The following CFAP46 variants were observed in gnomAD, a reference collection of about 807,000 sequenced individuals.
CFAP46 encodes cilia and flagella associated protein 46.
Under a neutral mutation model 325.7 loss-of-function variants are expected in CFAP46, and 245 were observed. The ratio of observed to expected loss-of-function variants is 0.75; its 90% CI spans 0.68 to 0.84. The LOEUF is 0.84. CFAP46 is among the 40% of genes least tolerant of loss of function. The pLI is 0.00. For missense variants in CFAP46, 3,346 were observed against 3,543.0 expected, an observed-to-expected ratio of 0.94 and a Z score of 1.41; for synonymous variants, 1,523 against 1,495.9, an observed-to-expected ratio of 1.02 and a Z score of -0.42.
chr10:132,915,218 C>T (rs980328951), intron 17 of CFAP46, among the ~76,000 whole-genome samples: 27 of 152,404 alleles, frequency 1.8e-4, no homozygotes, highest in African/African-American at 5.5e-4. Flanking sequence ...TCAGACCCTC[C>T]TCTGTCTGTG....
rs1591102291 is a variant in CFAP46 at position 132,937,273 on chromosome 10, A to G, written c.661-218T>C. The G allele has an allele frequency of 7.5e-6, 4 of 535,582 alleles. No homozygotes were observed. The East Asian group carries it at 1.2e-4, about 16-fold the overall frequency. The allele number at this position is 535,582 out of a possible 1,614,324, so 33.2% of individuals were successfully genotyped here. A position where few individuals can be genotyped will look rare whatever the true frequency, so the allele number is the denominator to read the frequency against. ...TTGTATCTTTGTGAATTTTCTATTA[A>G]CTTTAAAAAAATTCAAAGCTATTAC... is the stretch of plus-strand genomic sequence containing the variant. On this transcript the variant is annotated intron_variant, in intron 6 of 57. Transcript: ENST00000368586.
chr10:132,822,495 TGA>T, intron 50 of CFAP46, among the ~76,000 whole-genome samples: 1 of 134,414 alleles, frequency 7.4e-6, no homozygotes, highest in African/African-American at 2.9e-5. Context: ...CTGTGTGTGC[TGA>T]TGTGTGCTGT....
At chr10:132,883,596 C>A (rs1423655073) in intron 27 of CFAP46, among the ~76,000 whole-genome samples, 1 of 152,238 alleles carries the variant, frequency 6.6e-6, no homozygotes, top group Non-Finnish European at 1.5e-5. Flanking sequence ...GACCGTGTGC[C>A]CAGCAACTCC....
chr10:132,922,873 C>T (rs370654509), intron 11 of CFAP46, among the ~76,000 whole-genome samples, 165 bp from the exon 12 acceptor site: 9 of 152,200 alleles, frequency 5.9e-5, no homozygotes, highest in Non-Finnish European at 1.2e-4. Flanking sequence ...CCCTACCTGG[C>T]CCTGGGGACT....
At chr10:132,812,752 CG>C in intron 55 of CFAP46, 32 bp downstream of exon 55, 1 of 1,537,012 alleles carries the variant, frequency 6.5e-7, no homozygotes. Context: ...CCTGTGCCCG[CG>C]GGGGAGGGGG....
intron 8 of CFAP46, among the ~76,000 whole-genome samples, chr10:132,932,323 G>A (rs1465433944): frequency 2.3e-5 from 3 of 131,760 alleles, no homozygotes; most frequent in South Asian, 2.6e-4. Context: ...TCTCCACACA[G>A]AGCCTGGGCC....
chr10:132,920,068 T>A lies in CFAP46; in HGVS notation c.1721A>T (p.Asp574Val), dbSNP rs781431503. The A allele has an allele frequency of 8.4e-6, 13 of 1,545,226 alleles. No individual in the cohort carries two copies. Among genetic ancestry groups the A allele is most frequent in the Non-Finnish European group, 1.1e-5 (13 of 1,144,812 alleles). Residue 574 changes from aspartate to valine, a missense_variant, in exon 14 of 58, where the codon GAC becomes GTC. Physicochemically the swap from Asp to Val is radical, Grantham distance 152. Transcript: ENST00000368586. ...CCTTTTCCTCACTCACCTCTCCTTGTCGTTTTCGTTGCCCAGGCGCCGCAG... is the reference window on the plus strand; with the variant it reads ...CCTTTTCCTCACTCACCTCTCCTTGACGTTTTCGTTGCCCAGGCGCCGCAG... Reference protein sequence around the residue: ...GHLRRLGNENDKERIQIWAEL... With the variant: ...GHLRRLGNENVKERIQIWAEL...
At chr10:132,855,443 G>C (rs1020428815) in intron 39 of CFAP46, among the ~76,000 whole-genome samples, 1 of 152,128 alleles carries the variant, frequency 6.6e-6, no homozygotes, top group African/African-American at 2.4e-5. Context: ...CTTGTAGGTA[G>C]CCCATAGTTG....
At chr10:132,881,306 C>G (rs1209474354) in intron 27 of CFAP46, among the ~76,000 whole-genome samples, 1 of 152,176 alleles carries the variant, frequency 6.6e-6, no homozygotes, top group African/African-American at 2.4e-5. Flanking sequence ...ATGCCACCCT[C>G]CTGGGGACTC....
rs1217018993 is a variant in CFAP46, at chr10:132,832,493, C to T, written c.7117+865G>A. Reference sequence around the variant, plus strand: ...CCCCTTCGAGGCCCCCCGTCCTGCGCGGACTGCTCGTCAATGTTTGAAAAC... The same window carrying T: ...CCCCTTCGAGGCCCCCCGTCCTGCGTGGACTGCTCGTCAATGTTTGAAAAC... On this transcript the variant is annotated intron_variant, in intron 50 of 57. Transcript: ENST00000368586. This position sits in a 1 kb window ranked among gnomAD's most constrained non-coding sequence, Gnocchi z 4.1. The T allele has an allele frequency of 6.7e-6, 2 of 299,800 alleles. No individual in the cohort carries two copies. Among genetic ancestry groups the T allele is most frequent in the East Asian group, 9.7e-5 (1 of 10,284 alleles). 18.6% of individuals were successfully genotyped at this position (299,800 alleles called of 1,614,324 possible). A position where few individuals can be genotyped will look rare whatever the true frequency, so the allele number is the denominator to read the frequency against.
intron 22 of CFAP46, 117 bp downstream of exon 22, chr10:132,908,351 C>A: frequency 1.5e-6 from 2 of 1,294,236 alleles, no homozygotes; most frequent in Non-Finnish European, 2.1e-6. Flanking sequence ...CCCGCGCTCC[C>A]TGCCCGTTTT....
intron 26 of CFAP46, 98 bp downstream of exon 26, chr10:132,885,723 T>TCATAGGCGGTGGGG: frequency 1.1e-6 from 1 of 908,440 alleles, no homozygotes. Context: ...ATGCAGTGGG[T>TCATAGGCGGTGGGG]GGAGCACTCA....
In CFAP46 at chr10:132,812,821, T is replaced by C. The variant is rs2134756813; in HGVS notation, c.7465A>G (p.Ile2489Val). Residue 2489 changes from isoleucine (I) to valine (V), a missense_variant, in exon 55 of 58, where the codon ATA becomes GTA. Transcript: ENST00000368586. ...ATGGCGACCAATCTCTCCACTAATA[T>C]ATGGGACAGGAAGCTCTCCATTCCA... is the stretch of plus-strand genomic sequence containing the variant. ...FYGMESFLSH[I>V]LVERLVAMNL... 1 of 1,612,406 alleles carries C rather than the reference T, an allele frequency of 6.2e-7. No individual in the cohort carries two copies. The highest frequency in any genetic ancestry group is 8.5e-7 in the Non-Finnish European group (1 of 1,179,774).
At chr10:132,867,595 C>T in intron 33 of CFAP46, 88 bp from the exon 34 acceptor site, 1 of 1,460,418 alleles carries the variant, frequency 6.8e-7, no homozygotes, top group Non-Finnish European at 9.1e-7. Flanking sequence ...CAAACGAAAA[C>T]AGCCACAATT....
At position 132,812,778 on chromosome 10, in the gene CFAP46, C is replaced by T. The variant is rs1433378081; in HGVS notation, c.7501+7G>A. On this transcript the variant is annotated splice_region_variant and intron_variant, in intron 55 of 57. Transcript: ENST00000368586. ...GGGGGAGGGGGTGCTGAGAGGACACCTCTCACCTTGCAAGTTCATGGCGAC... is the reference window on the plus strand; with the variant it reads ...GGGGGAGGGGGTGCTGAGAGGACACTTCTCACCTTGCAAGTTCATGGCGAC... 2 of 1,606,236 alleles carry T rather than the reference C, an allele frequency of 1.2e-6. No homozygotes were observed. Among genetic ancestry groups the T allele is most frequent in the East Asian group, 4.5e-5 (2 of 44,840 alleles).
intron 28 of CFAP46, 36 bp from the exon 29 acceptor site, chr10:132,879,667 C>A: frequency 6.8e-7 from 1 of 1,466,040 alleles, no homozygotes; most frequent in Non-Finnish European, 9.0e-7. Context: ...AGAGCAGGCC[C>A]GGCTACGGGT....
At chr10:132,852,456 C>T (rs377435908) in intron 39 of CFAP46, among the ~76,000 whole-genome samples, 6 of 150,148 alleles carry the variant, frequency 4.0e-5, no homozygotes, top group Admixed American at 1.3e-4. Context: ...GATCCACAGA[C>T]GTGGTATGTT....
chr10:132,811,188 C>T (rs528188899), intron 55 of CFAP46, among the ~76,000 whole-genome samples, 157 bp from the exon 56 acceptor site: 2 of 152,312 alleles, frequency 1.3e-5, no homozygotes, highest in African/African-American at 4.8e-5. Flanking sequence ...CAGGTTTTTT[C>T]CAGGGACCCC....
Position 132,936,817 on chromosome 10 carries a change from G to A in CFAP46, c.755+144C>T, listed in dbSNP as rs940899881. ...ATCCCCACACCCTGAGGTCTCCCAG[G>A]CTCCTATTCTCCAGCCCCACTCACT... On this transcript the variant is annotated intron_variant, in intron 7 of 57. Transcript: ENST00000368586. The A allele has an allele frequency of 1.4e-5, 6 of 430,636 alleles. No individual in the cohort carries two copies. The South Asian group carries it at 3.8e-4, about 27-fold the overall frequency. 26.7% of individuals were successfully genotyped at this position (430,636 alleles called of 1,614,324 possible).
Sources: gnomAD v4.1 joint callset for allele counts (sites outside exome capture counted in the v4.1 genomes callset) on GRCh38, gnomAD v4.1.1 for gene constraint, Gnocchi (gnomAD v3.1) non-coding constraint, MANE v1.5 for transcripts, NCBI Gene and HGNC (gene_info 2026-07-23, HGNC 2026-07-21) for gene names.